Variants in CDH20 observed in about 807,000 individuals in gnomAD.
CDH20 encodes the protein cadherin 20, also known as cadherin-20.
A neutral mutation model predicts 74.2 loss-of-function variants in CDH20; 29 were observed. That is an observed-to-expected ratio of 0.39 (90% CI 0.29 to 0.53). The LOEUF is 0.53. Ranked by LOEUF, CDH20 falls within the 20% of genes least tolerant of loss-of-function variation. CDH20 has a pLI of 0.69. For missense variants in CDH20, 988 were observed against 1,048.3 expected (o/e 0.94, Z 0.79); for synonymous variants, 469 against 405.4 (o/e 1.16, Z -1.88).
At chr18:61,466,071 T>C (rs1402166837) in intron 1 of CDH20, among the ~76,000 whole-genome samples, 4 of 148,776 alleles carry the variant, frequency 2.7e-5, no homozygotes, top group African/African-American at 7.6e-5. Flanking sequence ...TAAATATATA[T>C]ATTTTCTCAT....
intron 1 of CDH20, among the ~76,000 whole-genome samples, chr18:61,342,443 C>T (rs1495810): frequency 0.41 from 62,088 of 151,950 alleles, 13,408 homozygotes; most frequent in East Asian, 0.69. Context: ...CTGGCTCCCA[C>T]GCCTGTGGTC....
At chr18:61,515,866 C>T (rs1376847947) in intron 6 of CDH20, among the ~76,000 whole-genome samples, 1 of 151,154 alleles carries the variant, frequency 6.6e-6, no homozygotes, top group African/African-American at 2.4e-5. Context: ...CAGCATGGCA[C>T]ATGTATACAT....
intron 1 of CDH20, among the ~76,000 whole-genome samples, chr18:61,468,066 G>C (rs112609767): frequency 8.6e-4 from 131 of 152,266 alleles, no homozygotes; most frequent in Non-Finnish European, 1.7e-3. Context: ...TTAGAACCCA[G>C]GCAATGCAGC....
At position 61,416,252 on chromosome 18, in the gene CDH20, A is replaced by C. The variant is rs555648279; in HGVS notation, c.-152-74150A>C. ...TTAAAACCATTTTTAAAAATTTCAA[A>C]TGCAAATCAGATCCAATGGGCCTTA... On this transcript the variant is annotated intron_variant, in intron 1 of 11. Coordinates refer to ENST00000262717, the MANE Select transcript of CDH20 (RefSeq NM_031891.4). 3.3e-5 allele frequency among the ~76,000 whole-genome samples: 5 copies of C among 152,348 alleles called. No homozygotes were observed. The East Asian group carries it at 9.6e-4, about 29-fold the overall frequency.
At chr18:61,470,572 G>C (rs565237361) in intron 1 of CDH20, among the ~76,000 whole-genome samples, 1 of 151,568 alleles carries the variant, frequency 6.6e-6, no homozygotes, top group Admixed American at 6.6e-5. Flanking sequence ...GCTCATTCAC[G>C]CCTTAACGGG....
intron 1 of CDH20, among the ~76,000 whole-genome samples, chr18:61,480,849 G>T (rs1910565295): frequency 6.6e-6 from 1 of 152,288 alleles, no homozygotes; most frequent in South Asian, 2.1e-4. Flanking sequence ...GGATTATGTT[G>T]TCTGCTCAAG....
chr18:61,343,118 C>T (rs1910006322), intron 1 of CDH20, among the ~76,000 whole-genome samples: 1 of 152,150 alleles, frequency 6.6e-6, no homozygotes, highest in African/African-American at 2.4e-5. Context: ...TTTATATGCC[C>T]TGAACCCAGT....
Position 61,539,223 on chromosome 18 carries a change from T to A in CDH20, c.1530+78T>A, listed in dbSNP as rs183858491. 13 of 1,467,730 alleles carry A rather than the reference T, an allele frequency of 8.9e-6. No individual in the cohort carries two copies. In the Admixed American group the frequency reaches 2.4e-4, roughly 27 times the overall value. The allele number at this position is 1,467,730 out of a possible 1,614,324, so 90.9% of individuals were successfully genotyped here. ...AATTGTTAGATAACCAAATTCACCA[T>A]CAAAGCCATTTTGACTCCAGAAACG... On this transcript the variant is annotated intron_variant, in intron 9 of 11. Transcript: ENST00000262717.
intron 1 of CDH20, among the ~76,000 whole-genome samples, chr18:61,372,867 C>A (rs1242049572): frequency 1.3e-5 from 2 of 152,046 alleles, no homozygotes; most frequent in East Asian, 3.9e-4. Context: ...ACTAAAACTT[C>A]CCCCAGTATA....
chr18:61,547,573 AG>A (rs1364533802), intron 10 of CDH20, among the ~76,000 whole-genome samples: 2 of 152,208 alleles, frequency 1.3e-5, no homozygotes, highest in African/African-American at 2.4e-5. Flanking sequence ...TGAGGCTTTA[AG>A]GAAGTTATTA....
intron 1 of CDH20, among the ~76,000 whole-genome samples, chr18:61,474,609 T>G (rs1910301419): frequency 6.6e-6 from 1 of 152,226 alleles, no homozygotes; most frequent in African/African-American, 2.4e-5. Context: ...ATGAGAATGT[T>G]ATATTGCTGA....
At chr18:61,534,019 G>T (rs1335532817) in intron 7 of CDH20, among the ~76,000 whole-genome samples, 1 of 149,892 alleles carries the variant, frequency 6.7e-6, no homozygotes, top group African/African-American at 2.4e-5. Context: ...AATTACTATA[G>T]CTTTGTAATA....
In CDH20 at chr18:61,528,481, A is replaced by ACC. The variant is rs1912529666; in HGVS notation, c.1271+264_1271+265dup. 4.0e-4 allele frequency among the ~76,000 whole-genome samples: 60 copies of ACC among 149,316 alleles called. No homozygotes were observed. In the South Asian group the frequency reaches 0.013, roughly 31 times the overall value. Reference sequence around the variant, plus strand: ...CACACACACACACACACACACACACACCCCTTAGTTCTCAATCATGGTCCT... The same window carrying ACC: ...CACACACACACACACACACACACACACCCCCCTTAGTTCTCAATCATGGTCCT... On this transcript the variant is annotated intron_variant, in intron 7 of 11. Coordinates refer to ENST00000262717, the MANE Select transcript of CDH20 (RefSeq NM_031891.4).
chr18:61,484,928 G>A (rs1393370370), intron 1 of CDH20, among the ~76,000 whole-genome samples: 1 of 152,114 alleles, frequency 6.6e-6, no homozygotes, highest in Admixed American at 6.5e-5. Context: ...CGCATAAACT[G>A]GTTGGGTGGT....
At chr18:61,443,001 AG>A (rs1352114272) in intron 1 of CDH20, among the ~76,000 whole-genome samples, 3 of 152,182 alleles carry the variant, frequency 2.0e-5, no homozygotes, top group African/African-American at 7.2e-5. Context: ...CATCTTTCCC[AG>A]TCTCATCACT....
chr18:61,402,826 C>T (rs1428743725), intron 1 of CDH20, among the ~76,000 whole-genome samples: 2 of 152,120 alleles, frequency 1.3e-5, no homozygotes, highest in Non-Finnish European at 1.5e-5. Flanking sequence ...TTTTTTTACA[C>T]CAGAAAAGTT....
At chr18:61,510,498 G>C (rs536128170) in intron 6 of CDH20, among the ~76,000 whole-genome samples, 1 of 152,270 alleles carries the variant, frequency 6.6e-6, no homozygotes, top group African/African-American at 2.4e-5. Flanking sequence ...TCAAGTTAAT[G>C]GGTGTTTATA....
chr18:61,370,801 T>G (rs942586716), intron 1 of CDH20, among the ~76,000 whole-genome samples: 5 of 152,144 alleles, frequency 3.3e-5, no homozygotes, highest in African/African-American at 1.2e-4. Context: ...ATATTTTCTT[T>G]GCAATATTGG....
intron 1 of CDH20, among the ~76,000 whole-genome samples, chr18:61,443,039 A>G (rs1009055562): frequency 2.0e-4 from 30 of 152,222 alleles, no homozygotes; most frequent in African/African-American, 5.5e-4. Flanking sequence ...ATAAGTTGTA[A>G]GTACTTTTAT....
Sources: gnomAD v4.1 joint callset for allele counts (sites outside exome capture counted in the v4.1 genomes callset) on GRCh38, gnomAD v4.1.1 for gene constraint, MANE v1.5 for transcripts, NCBI Gene and HGNC (gene_info 2026-07-23, HGNC 2026-07-21) for gene names.